FGF14: variants seen among roughly 807,000 people sequenced by gnomAD.
The protein encoded by FGF14 is fibroblast growth factor 14.
FGF14 carries 5 observed loss-of-function variants against 25.5 expected under a neutral mutation model. The ratio of observed to expected loss-of-function variants is 0.20; its 90% CI spans 0.10 to 0.41. The LOEUF is 0.41. FGF14 is among the 10% of genes least tolerant of loss of function. The pLI, the probability that FGF14 is intolerant of heterozygous loss-of-function variation, is 1.00. For synonymous variants in FGF14, 138 were observed against 118.3 expected (o/e 1.17, Z -1.08); for missense variants, 222 against 320.1 (o/e 0.69, Z 2.34).
intron 1 of FGF14, among the ~76,000 whole-genome samples, chr13:102,262,319 T>A (rs566481726): frequency 1.1e-4 from 17 of 152,222 alleles, no homozygotes; most frequent in African/African-American, 4.1e-4. Context: ...GAAATAAAAA[T>A]TCAGAATCAT....
intron 1 of FGF14, among the ~76,000 whole-genome samples, chr13:102,115,382 T>C (rs2045421959): frequency 6.6e-6 from 1 of 152,172 alleles, no homozygotes. Flanking sequence ...AAATGAGCAA[T>C]TATTATTTTA....
intron 1 of FGF14, among the ~76,000 whole-genome samples, chr13:102,019,924 T>C (rs1321348604): frequency 1.3e-5 from 2 of 152,138 alleles, no homozygotes; most frequent in Non-Finnish European, 2.9e-5. Context: ...GGAGATAATA[T>C]TTAGCTCAAA....
intron 1 of FGF14, among the ~76,000 whole-genome samples, chr13:102,252,697 A>C (rs2052241280): frequency 6.6e-6 from 1 of 152,042 alleles, no homozygotes; most frequent in Non-Finnish European, 1.5e-5. Flanking sequence ...AGTTTTGGTT[A>C]AATGGGTACA....
intron 1 of FGF14, among the ~76,000 whole-genome samples, chr13:102,151,610 T>A (rs2047089189): frequency 6.6e-6 from 1 of 152,164 alleles, no homozygotes; most frequent in African/African-American, 2.4e-5. Flanking sequence ...GTGATTGTCC[T>A]GCCTTAGCCT....
At chr13:101,942,979 A>T (rs1022183431) in intron 1 of FGF14, among the ~76,000 whole-genome samples, 11 of 152,214 alleles carry the variant, frequency 7.2e-5, no homozygotes, top group African/African-American at 2.7e-4. Flanking sequence ...CTCAAAATAG[A>T]ACCCCTCTTA....
chr13:102,050,343 A>G (rs2042164597), intron 1 of FGF14, among the ~76,000 whole-genome samples: 1 of 152,174 alleles, frequency 6.6e-6, no homozygotes, highest in South Asian at 2.1e-4. Flanking sequence ...CAAAGAAACA[A>G]AACTATATAG....
intron 1 of FGF14, among the ~76,000 whole-genome samples, chr13:102,279,427 C>T (rs1292892262): frequency 6.6e-6 from 1 of 152,168 alleles, no homozygotes; most frequent in Non-Finnish European, 1.5e-5. Context: ...ACAAAATGCA[C>T]ATTACATTTA....
In FGF14 at chr13:102,400,900, G is replaced by A. The variant is rs952687354; in HGVS notation, c.208+571C>T. 6.6e-6 allele frequency among the ~76,000 whole-genome samples: 1 copy of A among 152,118 alleles called. No individual in the cohort carries two copies. Among genetic ancestry groups the A allele is most frequent in the Non-Finnish European group, 1.5e-5 (1 of 68,024 alleles). On this transcript the variant is annotated intron_variant, in intron 1 of 4. Coordinates refer to the FGF14 transcript ENST00000376131. This position sits in a 1 kb window ranked among gnomAD's most constrained non-coding sequence, Gnocchi z 4.3. ...AGGATGTGTCAGAGGCAGACAGGGG[G>A]AATGAGTTAATGCTCGGGCACCCGG...
intron 1 of FGF14, among the ~76,000 whole-genome samples, chr13:101,948,357 A>C (rs1392913987): frequency 6.6e-6 from 1 of 152,124 alleles, no homozygotes; most frequent in Non-Finnish European, 1.5e-5. Context: ...AAGACAGAAG[A>C]GAAAGAGGGA....
intron 3 of FGF14, among the ~76,000 whole-genome samples, chr13:101,865,364 T>C (rs1033095974): frequency 6.6e-6 from 1 of 152,140 alleles, no homozygotes; most frequent in Non-Finnish European, 1.5e-5. Context: ...TAAACATCAT[T>C]TTAAACTGTC....
At chr13:102,120,350 C>CTA (rs1301340136) in intron 1 of FGF14, among the ~76,000 whole-genome samples, 5 of 152,174 alleles carry the variant, frequency 3.3e-5, no homozygotes, top group African/African-American at 1.2e-4. Flanking sequence ...AAAAGTACCG[C>CTA]TAAGCCATGA....
intron 1 of FGF14, among the ~76,000 whole-genome samples, chr13:102,395,938 C>T (rs965948588): frequency 6.6e-6 from 1 of 151,944 alleles, no homozygotes; most frequent in Non-Finnish European, 1.5e-5. Flanking sequence ...ACATTCTGAC[C>T]AAAGTAAAAA....
Position 101,811,038 on chromosome 13 carries a change from CCCG to C in FGF14, c.408+57684_408+57686del, listed in dbSNP as rs386773964. 2.0e-4 allele frequency among the ~76,000 whole-genome samples: 27 copies of C among 135,074 alleles called. 1 individual carries two copies. Among genetic ancestry groups the C allele is most frequent in the African/African-American group, 2.9e-4 (11 of 37,994 alleles). 88.6% of individuals were successfully genotyped at this position (135,074 alleles called of 152,430 possible). A position where few individuals can be genotyped will look rare whatever the true frequency, so the allele number is the denominator to read the frequency against. ...CTCCAAAACACACATATCCGCCCCC[CCCG>C]GCCCCCGCATTATCGACATTCCCCA... On this transcript the variant is annotated intron_variant, in intron 3 of 4. Transcript: ENST00000376143.
At chr13:102,055,149 A>T (rs535128096) in intron 1 of FGF14, among the ~76,000 whole-genome samples, 14 of 152,192 alleles carry the variant, frequency 9.2e-5, no homozygotes, top group Non-Finnish European at 1.9e-4. Flanking sequence ...ACAAAAATCC[A>T]ACCTAGTTTT....
chr13:102,161,676 G>GTC (rs778745345), intron 1 of FGF14, among the ~76,000 whole-genome samples: 2,609 of 56,928 alleles, frequency 0.046, 208 homozygotes, highest in African/African-American at 0.093. Flanking sequence ...AGAAGAAGAA[G>GTC]AAGAAGAAGA....
At chr13:101,982,286 G>A (rs888295075) in intron 1 of FGF14, among the ~76,000 whole-genome samples, 5 of 152,002 alleles carry the variant, frequency 3.3e-5, no homozygotes, top group Admixed American at 6.6e-5. Flanking sequence ...TCTATTTTAT[G>A]CAGCAGGTTT....
At chr13:102,304,765 A>C (rs1228101305) in intron 1 of FGF14, among the ~76,000 whole-genome samples, 1 of 152,166 alleles carries the variant, frequency 6.6e-6, no homozygotes, top group East Asian at 1.9e-4. Context: ...CCTGCCAACA[A>C]CCAGCACCAA....
chr13:102,370,472 G>A (rs1050535372), intron 1 of FGF14, among the ~76,000 whole-genome samples: 5 of 151,752 alleles, frequency 3.3e-5, no homozygotes, highest in African/African-American at 9.7e-5. Context: ...GTCTCACTAT[G>A]TTGCCAGGTT....
In FGF14 at chr13:101,717,448, C is replaced by G. The variant is rs1268727703; in HGVS notation, c.*5383G>C. 2 of 152,132 alleles carry G rather than the reference C, an allele frequency of 1.3e-5. No individual in the cohort carries two copies. Among genetic ancestry groups the G allele is most frequent in the African/African-American group, 4.8e-5 (2 of 41,432 alleles). The allele number at this position is 152,132 out of a possible 1,614,324, so 9.4% of individuals were successfully genotyped here. A position where few individuals can be genotyped will look rare whatever the true frequency, so the allele number is the denominator to read the frequency against. The stretch of plus-strand genomic sequence containing the variant: ...AATGTAGGTTATATTCTTTCCTCTT[C>G]ACTACCTAAACATTTTAAGCTGTGA... On this transcript the variant is annotated 3_prime_UTR_variant, in exon 5 of 5. Coordinates refer to ENST00000376143, the MANE Select transcript of FGF14 (RefSeq NM_004115.4).
Sources: gnomAD v4.1 joint callset for allele counts (sites outside exome capture counted in the v4.1 genomes callset) on GRCh38, gnomAD v4.1.1 for gene constraint, Gnocchi (gnomAD v3.1) non-coding constraint, MANE v1.5 for transcripts, NCBI Gene and HGNC (gene_info 2026-07-23, HGNC 2026-07-21) for gene names.